JADE1: variants seen among roughly 807,000 people sequenced by gnomAD.
The protein encoded by JADE1 is jade family PHD finger 1, also known as protein Jade-1.
A neutral mutation model predicts 81.8 loss-of-function variants in JADE1; 14 were observed. The ratio of observed to expected loss-of-function variants is 0.17; its 90% confidence interval spans 0.11 to 0.27. The LOEUF is 0.27. JADE1 is among the 10% of genes least tolerant of loss of function. The probability of loss-of-function intolerance (pLI) is 1.00; values close to 1 mark genes in which losing one functional copy is unlikely to be tolerated. For missense variants in JADE1, 690 were observed against 1,047.9 expected (o/e 0.66, Z 4.71); for synonymous variants, 353 against 391.9 (o/e 0.90, Z 1.17).
At chr4:128,857,510 G>A (rs1730894920) in intron 8 of JADE1, 56 bp downstream of exon 8, 3 of 1,350,130 alleles carry the variant, frequency 2.2e-6, no homozygotes, top group Non-Finnish European at 3.2e-6. Flanking sequence ...TGGGGAGCAG[G>A]ATGAGGGAAG....
At chr4:128,821,246 CTG>C (rs1727539656) in intron 1 of JADE1, among the ~76,000 whole-genome samples, 1 of 152,106 alleles carries the variant, frequency 6.6e-6, no homozygotes, top group Non-Finnish European at 1.5e-5. Context: ...TGTCAGAAAA[CTG>C]AGACGCGGAA....
At chr4:128,814,584 G>C (rs190703487) in intron 1 of JADE1, among the ~76,000 whole-genome samples, 3,576 of 94,612 alleles carry the variant, frequency 0.038, 140 homozygotes, top group African/African-American at 0.12. Context: ...TTTTTTTTTT[G>C]AGATGAAGTT....
At position 128,862,463 on chromosome 4, in the gene JADE1, C is replaced by T. The variant is rs375430275; in HGVS notation, c.1503+238C>T. 1.6e-4 allele frequency: 223 copies of T among 1,391,000 alleles called. 4 individuals carry two copies. The South Asian group carries it at 3.3e-3, about 20-fold the overall frequency. The allele number at this position is 1,391,000 out of a possible 1,614,324, so 86.2% of individuals were successfully genotyped here. On this transcript the variant is annotated intron_variant, in intron 9 of 10. Coordinates refer to ENST00000226319, the MANE Select transcript of JADE1 (RefSeq NM_199320.4). ...GTTTTTTTTTTTTTAAAAACACTTT[C>T]CCATTAATCTTTACTGTTTTGTAAG... is the stretch of plus-strand genomic sequence containing the variant.
At position 128,855,621 on chromosome 4, in the gene JADE1, G is replaced by A. The variant is rs771645202; in HGVS notation, c.697-9G>A. 2 of 1,600,886 alleles carry A rather than the reference G, an allele frequency of 1.2e-6. No homozygotes were observed. The highest frequency in any genetic ancestry group is 1.7e-6 in the Non-Finnish European group (2 of 1,171,724). ...CTCTATTCCTCTGGGATGTGCCGTG[G>A]CATCACAGGCCTGTTATGGAATCCT... On this transcript the variant is annotated splice_polypyrimidine_tract_variant and intron_variant, in intron 6 of 10. Coordinates refer to ENST00000226319, the MANE Select transcript of JADE1 (RefSeq NM_199320.4).
chr4:128,813,042 C>A (rs1726624413), intron 1 of JADE1, among the ~76,000 whole-genome samples: 1 of 152,164 alleles, frequency 6.6e-6, no homozygotes, highest in Non-Finnish European at 1.5e-5. Flanking sequence ...ACTTGTAGCT[C>A]AAGGCTAATA....
intron 9 of JADE1, chr4:128,862,464 C>G: frequency 7.2e-7 from 1 of 1,390,124 alleles, no homozygotes; most frequent in Non-Finnish European, 9.3e-7. Flanking sequence ...AAACACTTTC[C>G]CATTAATCTT....
chr4:128,860,819 C>G (rs185864504), intron 8 of JADE1, among the ~76,000 whole-genome samples: 1 of 152,164 alleles, frequency 6.6e-6, no homozygotes, highest in Non-Finnish European at 1.5e-5. Flanking sequence ...CTCCCTGTGA[C>G]GCATGGGAAG....
intron 1 of JADE1, among the ~76,000 whole-genome samples, chr4:128,813,936 C>G (rs572955934): frequency 1.9e-4 from 29 of 151,972 alleles, no homozygotes; most frequent in African/African-American, 6.5e-4. Context: ...TAAGGTAGAA[C>G]TTGAACTTGA....
intron 8 of JADE1, among the ~76,000 whole-genome samples, chr4:128,858,859 C>T (rs1433306091): frequency 5.3e-5 from 8 of 152,136 alleles, no homozygotes; most frequent in South Asian, 2.1e-4. Flanking sequence ...CCACCCACCT[C>T]GGCCTCCCAA....
chr4:128,831,212 T>C (rs1425124862), intron 1 of JADE1, among the ~76,000 whole-genome samples: 3 of 152,204 alleles, frequency 2.0e-5, no homozygotes, highest in African/African-American at 4.8e-5. Flanking sequence ...TTGCATTCCA[T>C]TACCCGATTT....
intron 2 of JADE1, among the ~76,000 whole-genome samples, chr4:128,834,302 C>T (rs759786277): frequency 3.3e-5 from 5 of 152,170 alleles, no homozygotes; most frequent in East Asian, 1.9e-4. Context: ...CTTCTTCTCA[C>T]GTGTTCTTAC....
At chr4:128,862,283 A>G in intron 9 of JADE1, 58 bp downstream of exon 9, 1 of 1,605,490 alleles carries the variant, frequency 6.2e-7, no homozygotes, top group Non-Finnish European at 8.5e-7. Context: ...AAAGAGGCGA[A>G]CGCTCGCCCA....
intron 3 of JADE1, among the ~76,000 whole-genome samples, chr4:128,845,148 G>A (rs1413418188): frequency 6.6e-6 from 1 of 152,208 alleles, no homozygotes; most frequent in Non-Finnish European, 1.5e-5. Flanking sequence ...GGCCAAGGAC[G>A]AGGCTTGAGA....
At chr4:128,849,211 T>G (rs757664875) in intron 5 of JADE1, 44 bp downstream of exon 5, 70 of 1,515,496 alleles carry the variant, frequency 4.6e-5, no homozygotes, top group Non-Finnish European at 6.2e-5. Flanking sequence ...CAATGATGAA[T>G]AGAGACATTT....
At chr4:128,812,355 G>GCGGCCCTGCGCATTCCC (rs1726521467) in intron 1 of JADE1, among the ~76,000 whole-genome samples, 1 of 151,498 alleles carries the variant, frequency 6.6e-6, no homozygotes, top group African/African-American at 2.4e-5. Context: ...GCGCGGAACC[G>GCGGCCCTGCGCATTCCC]CGGCCCTGCG....
chr4:128,847,153 G>C (rs141778875), intron 4 of JADE1, among the ~76,000 whole-genome samples: 5 of 152,292 alleles, frequency 3.3e-5, no homozygotes, highest in South Asian at 2.1e-4. Context: ...TCACAATCAG[G>C]TTGCAGCTAG....
intron 4 of JADE1, among the ~76,000 whole-genome samples, chr4:128,847,991 T>C (rs920417742): frequency 2.6e-5 from 4 of 152,114 alleles, no homozygotes; most frequent in African/African-American, 9.7e-5. Context: ...TGCAGTCTTA[T>C]TTTGAGTGGG....
chr4:128,862,640 A>AGAGAT lies in JADE1; in HGVS notation c.1503+417_1503+421dup. The AGAGAT allele has an allele frequency of 2.9e-6, 3 of 1,020,242 alleles. No individual in the cohort carries two copies. In the South Asian group the frequency reaches 1.1e-4, roughly 39 times the overall value. 63.2% of individuals were successfully genotyped at this position (1,020,242 alleles called of 1,614,324 possible). On this transcript the variant is annotated intron_variant, in intron 9 of 10. Transcript: ENST00000226319. Reference sequence around the variant, plus strand: ...GATTTCATTTCTAATGGAGGGGGCCAGAGATGGGAAAATTTCTTGTTCAGT... The same window carrying AGAGAT: ...GATTTCATTTCTAATGGAGGGGGCCAGAGATGAGATGGGAAAATTTCTTGTTCAGT...
chr4:128,827,812 A>G (rs1384688675), intron 1 of JADE1: 1 of 929,044 alleles, frequency 1.1e-6, no homozygotes, highest in Non-Finnish European at 1.3e-6. Flanking sequence ...GAGTCATAAC[A>G]TTATGAATCA....
Sources: allele counts gnomAD v4.1 joint callset (sites outside exome capture counted in the v4.1 genomes callset), GRCh38; gene constraint gnomAD v4.1.1; transcripts MANE v1.5; gene names NCBI Gene and HGNC (gene_info 2026-07-23, HGNC 2026-07-21).